The following MTUS2 variants were observed in gnomAD, a reference collection of about 807,000 sequenced individuals.
The protein encoded by MTUS2 is microtubule associated scaffold protein 2.
A neutral mutation model predicts 114.1 loss-of-function variants in MTUS2; 40 were observed. That is an observed-to-expected ratio of 0.35 (90% CI 0.27 to 0.46). The LOEUF is 0.46. MTUS2 is among the 20% of genes least tolerant of loss of function. The pLI is 1.00. For synonymous variants in MTUS2, 688 were observed against 672.0 expected, an observed-to-expected ratio of 1.02 and a Z score of -0.37; for missense variants, 1,679 against 1,705.4, an observed-to-expected ratio of 0.98 and a Z score of 0.27.
At chr13:29,268,622 G>A (rs1253718158) in intron 5 of MTUS2, among the ~76,000 whole-genome samples, 2 of 151,992 alleles carry the variant, frequency 1.3e-5, no homozygotes, top group Non-Finnish European at 2.9e-5. Flanking sequence ...CCTCCATGGT[G>A]AGGCCTTCCC....
rs571349277 is a variant in MTUS2, at chr13:29,252,920, T to A, written c.2645-28784T>A. 8.5e-5 allele frequency among the ~76,000 whole-genome samples: 13 copies of A among 152,204 alleles called. No individual in the cohort carries two copies. In the East Asian group the frequency reaches 2.3e-3, roughly 27 times the overall value. ...GAGTCCATTAAGCTTCTTTTTTTTTTATAAATTACCTTGTCTCCGGTATGT... is the reference window on the plus strand; with the variant it reads ...GAGTCCATTAAGCTTCTTTTTTTTTAATAAATTACCTTGTCTCCGGTATGT... On this transcript the variant is annotated intron_variant, in intron 5 of 15. Transcript: ENST00000612955.
intron 1 of MTUS2, among the ~76,000 whole-genome samples, chr13:28,825,130 G>A (rs1039802532): frequency 6.6e-6 from 1 of 152,148 alleles, no homozygotes; most frequent in African/African-American, 2.4e-5. Flanking sequence ...GGCTGCCCAC[G>A]AACACTGGTG....
chr13:29,381,275 T>C (rs192462993), intron 8 of MTUS2, among the ~76,000 whole-genome samples: 8 of 152,180 alleles, frequency 5.3e-5, no homozygotes, highest in Non-Finnish European at 7.4e-5. Context: ...AGTTTGCAAC[T>C]GTGGCAAGCA....
rs1008512629 is a variant in MTUS2, at chr13:29,103,329, A to G, written c.2644+2359A>G. On this transcript the variant is annotated intron_variant, in intron 5 of 15. Transcript: ENST00000612955. ...ACATAGCCTACTACACACCTAGGCA[A>G]TATGGTATAGCCTTGGCTCCTAGGC... 1.8e-4 allele frequency among the ~76,000 whole-genome samples: 27 copies of G among 152,354 alleles called. 1 individual carries two copies. The East Asian group carries it at 2.9e-3, about 16-fold the overall frequency.
At chr13:29,371,252 C>G (rs1056120558) in intron 8 of MTUS2, among the ~76,000 whole-genome samples, 1 of 141,906 alleles carries the variant, frequency 7.0e-6, no homozygotes, top group Admixed American at 7.1e-5. Context: ...GAGTCTCGCT[C>G]TCTTGCCCAG....
At chr13:28,821,603 G>A (rs1873907783) in intron 1 of MTUS2, among the ~76,000 whole-genome samples, 1 of 152,164 alleles carries the variant, frequency 6.6e-6, no homozygotes, top group Admixed American at 6.5e-5. Context: ...ACTGATGGCT[G>A]GGAACAGCCC....
chr13:29,439,888 A>C, intron 8 of MTUS2, 95 bp from the exon 9 acceptor site: 1 of 991,980 alleles, frequency 1.0e-6, no homozygotes, highest in Non-Finnish European at 1.5e-6. Flanking sequence ...TAGACTTATA[A>C]ATATTTGCTT....
At chr13:29,490,851 A>C (rs1232083630) in intron 11 of MTUS2, among the ~76,000 whole-genome samples, 1 of 152,266 alleles carries the variant, frequency 6.6e-6, no homozygotes, top group African/African-American at 2.4e-5. Context: ...TGATCCTGGG[A>C]GGGGAAGAAA....
chr13:29,114,850 G>A (rs1891023839), intron 5 of MTUS2, among the ~76,000 whole-genome samples: 1 of 152,168 alleles, frequency 6.6e-6, no homozygotes, highest in South Asian at 2.1e-4. Flanking sequence ...TTCAATTAAG[G>A]GCAATGCCAG....
intron 4 of MTUS2, among the ~76,000 whole-genome samples, chr13:29,067,278 A>T (rs1298088222): frequency 3.9e-5 from 6 of 152,150 alleles, no homozygotes; most frequent in African/African-American, 1.4e-4. Flanking sequence ...ATGATCAAGA[A>T]GGAAACTTTC....
At chr13:29,477,073 C>T in intron 9 of MTUS2, 1 of 152,200 alleles carries the variant, frequency 6.6e-6, no homozygotes. Context: ...CAGACAGGCC[C>T]CGTGCACTGG....
intron 2 of MTUS2, among the ~76,000 whole-genome samples, chr13:28,900,252 A>G (rs993732981): frequency 2.0e-5 from 3 of 152,120 alleles, no homozygotes; most frequent in Admixed American, 6.5e-5. Context: ...CATTGATACA[A>G]TCCACTTACC....
chr13:28,852,979 T>A (rs200491977), intron 2 of MTUS2, among the ~76,000 whole-genome samples: 179 of 40,554 alleles, frequency 4.4e-3, no homozygotes, highest in Non-Finnish European at 1.0e-2. Context: ...ATACATTCAT[T>A]CATTCATTCA....
chr13:29,272,004 A>G (rs1488370603), intron 5 of MTUS2, among the ~76,000 whole-genome samples: 1 of 152,210 alleles, frequency 6.6e-6, no homozygotes, highest in Admixed American at 6.5e-5. Context: ...AACTTTTCAT[A>G]TCTAACGTTT....
chr13:29,083,902 A>G (rs1229043698), intron 4 of MTUS2, among the ~76,000 whole-genome samples: 1 of 152,224 alleles, frequency 6.6e-6, no homozygotes, highest in Non-Finnish European at 1.5e-5. Flanking sequence ...AGGACAATGA[A>G]TGCTATGATA....
chr13:29,296,910 G>C (rs919670603), intron 6 of MTUS2, among the ~76,000 whole-genome samples: 1 of 152,082 alleles, frequency 6.6e-6, no homozygotes, highest in Non-Finnish European at 1.5e-5. Context: ...TCTTCAGCCT[G>C]TTGATTGTCC....
At chr13:29,275,877 G>T (rs928302222) in intron 5 of MTUS2, among the ~76,000 whole-genome samples, 1 of 152,126 alleles carries the variant, frequency 6.6e-6, no homozygotes, top group African/African-American at 2.4e-5. Flanking sequence ...TTTCTTTTGG[G>T]TATGTACTTA....
chr13:28,864,798 C>T (rs182733658), intron 2 of MTUS2, among the ~76,000 whole-genome samples: 5 of 152,330 alleles, frequency 3.3e-5, no homozygotes, highest in African/African-American at 7.2e-5. Flanking sequence ...GAGACCCATA[C>T]ATTGGTGACT....
intron 2 of MTUS2, among the ~76,000 whole-genome samples, chr13:28,840,563 C>T (rs1448797816): frequency 6.6e-6 from 1 of 152,160 alleles, no homozygotes; most frequent in Non-Finnish European, 1.5e-5. Flanking sequence ...AATTACCCAT[C>T]TTTAAATCAG....
Sources: gnomAD v4.1 joint callset for allele counts (sites outside exome capture counted in the v4.1 genomes callset) on GRCh38, gnomAD v4.1.1 for gene constraint, MANE v1.5 for transcripts, NCBI Gene and HGNC (gene_info 2026-07-23, HGNC 2026-07-21) for gene names.